Variants in RANBP2 observed in about 807,000 individuals in gnomAD.
RANBP2 encodes E3 SUMO-protein ligase RanBP2.
In RANBP2, 57 loss-of-function variants were observed where a neutral mutation model predicts 303.6. The ratio of observed to expected loss-of-function variants is 0.19; its 90% CI spans 0.15 to 0.23. The LOEUF (loss-of-function observed/expected upper bound fraction) is 0.23, where lower values mean the gene tolerates loss of function less well. RANBP2 is among the 10% of genes least tolerant of loss of function. RANBP2 has a pLI of 1.00. For synonymous variants in RANBP2, 1,167 were observed against 1,301.5 expected (o/e 0.90, Z 2.23); for missense variants, 3,138 against 3,780.8 (o/e 0.83, Z 4.46).
chr2:108,872,572 G>A, the RANBP2 span, among the ~76,000 whole-genome samples: 129 of 152,196 alleles, frequency 8.5e-4, no homozygotes, highest in Non-Finnish European at 1.5e-3. Flanking sequence ...CTTTAATGGC[G>A]TATATTCTAG....
chr2:109,545,437 C>A, the RANBP2 span: 22 of 1,535,992 alleles, frequency 1.4e-5, no homozygotes, highest in Non-Finnish European at 1.9e-5. Flanking sequence ...ATGGCTGCCC[C>A]CTTGCACTGT....
the RANBP2 span, among the ~76,000 whole-genome samples, chr2:109,072,415 G>T: frequency 5.3e-5 from 8 of 152,182 alleles, no homozygotes; most frequent in African/African-American, 1.9e-4. Flanking sequence ...TGGAGTCCTG[G>T]ATACTTAGGG....
At chr2:109,410,571 G>T in the RANBP2 span, among the ~76,000 whole-genome samples, 10 of 152,234 alleles carry the variant, frequency 6.6e-5, no homozygotes, top group East Asian at 1.7e-3. Flanking sequence ...ATGCTCACAG[G>T]CTGTGTTGTT....
At chr2:108,791,044 G>A in the RANBP2 span, among the ~76,000 whole-genome samples, 1 of 152,092 alleles carries the variant, frequency 6.6e-6, no homozygotes, top group African/African-American at 2.4e-5. Context: ...TCACAGGCGT[G>A]AGCCACCATG....
At chr2:109,122,179 CCCATTA>C in the RANBP2 span, among the ~76,000 whole-genome samples, 2 of 152,144 alleles carry the variant, frequency 1.3e-5, no homozygotes, top group Non-Finnish European at 2.9e-5. Context: ...GTAGTGAGTG[CCCATTA>C]TTTGCTCAAT....
the RANBP2 span, among the ~76,000 whole-genome samples, chr2:109,695,111 A>C: frequency 6.6e-6 from 1 of 151,188 alleles, no homozygotes; most frequent in Non-Finnish European, 1.5e-5. Context: ...CATTTCTTCT[A>C]TTTTCTTGTT....
chr2:109,239,731 A>T, the RANBP2 span, among the ~76,000 whole-genome samples: 1 of 152,134 alleles, frequency 6.6e-6, no homozygotes, highest in East Asian at 1.9e-4. Context: ...CTCCAGCTTA[A>T]ATGGAGCCAC....
In RANBP2 at chr2:108,754,036, G is replaced by C. The variant is rs975470974; in HGVS notation, c.2202+65G>C. The C allele has an allele frequency of 1.8e-5, 29 of 1,610,636 alleles. 1 individual carries two copies. Among genetic ancestry groups the C allele is most frequent in the Admixed American group, 1.7e-4 (10 of 59,946 alleles). On this transcript the variant is annotated intron_variant, in intron 15 of 28. Coordinates refer to ENST00000283195, the MANE Select transcript of RANBP2 (RefSeq NM_006267.5). ...CCCACTGGTCAATGTTTTTGCGTTG[G>C]TCTTATATTTTGGTAATTTCAAAAA...
chr2:108,977,534 T>C, the RANBP2 span, among the ~76,000 whole-genome samples: 2 of 152,156 alleles, frequency 1.3e-5, no homozygotes, highest in African/African-American at 4.8e-5. Context: ...CCTCCCAAAG[T>C]GCTGGGATTA....
chr2:109,383,650 A>C, the RANBP2 span, among the ~76,000 whole-genome samples: 1 of 152,140 alleles, frequency 6.6e-6, no homozygotes, highest in Non-Finnish European at 1.5e-5. Context: ...TCCACCTGTG[A>C]TGCAGAATGA....
the RANBP2 span, among the ~76,000 whole-genome samples, chr2:109,512,642 C>T: frequency 3.3e-5 from 5 of 152,276 alleles, no homozygotes; most frequent in African/African-American, 2.4e-5. Flanking sequence ...TGCTGGGCCT[C>T]GTGGGAGGCA....
the RANBP2 span, among the ~76,000 whole-genome samples, chr2:109,253,846 G>A: frequency 1.3e-5 from 2 of 152,082 alleles, no homozygotes; most frequent in Admixed American, 1.3e-4. Context: ...ATTGTTCAGG[G>A]AGCAGAAACC....
intron 19 of RANBP2, among the ~76,000 whole-genome samples, chr2:108,762,416 GT>G (rs1345938596): frequency 1.4e-5 from 1 of 70,730 alleles, no homozygotes; most frequent in African/African-American, 5.6e-5. Flanking sequence ...AATGGGAGTG[GT>G]GGTGGTGGAT....
chr2:109,698,011 C>G, the RANBP2 span, among the ~76,000 whole-genome samples: 2 of 151,996 alleles, frequency 1.3e-5, no homozygotes, highest in African/African-American at 4.8e-5. Context: ...AGGCATGTGC[C>G]ACCATGCCCA....
the RANBP2 span, among the ~76,000 whole-genome samples, chr2:109,523,127 T>C: frequency 1.3e-5 from 2 of 152,138 alleles, no homozygotes; most frequent in Non-Finnish European, 2.9e-5. Context: ...TCAGAGTAGA[T>C]GCGGCTGATG....
At chr2:108,746,190 G>C (rs1339265093) in intron 7 of RANBP2, among the ~76,000 whole-genome samples, 1 of 149,604 alleles carries the variant, frequency 6.7e-6, no homozygotes, top group Non-Finnish European at 1.5e-5. Flanking sequence ...TTACAGGTGT[G>C]AGCCACCATG....
In RANBP2 at chr2:108,763,890, G is replaced by A. The variant is rs746610775; in HGVS notation, c.3351G>A (p.Ser1117=). 13 of 1,613,722 alleles carry A rather than the reference G, an allele frequency of 8.1e-6. No homozygotes were observed. The highest frequency in any genetic ancestry group is 2.2e-5 in the East Asian group (1 of 44,892). Residue 1117 remains serine (S), a synonymous_variant, in exon 20 of 29, where the codon TCG becomes TCA. Coordinates refer to ENST00000283195, the MANE Select transcript of RANBP2 (RefSeq NM_006267.5). ...SGISFTENMG[S]SQQKNSGFRR... is the part of the protein sequence containing the mutation. ...TTTCATTTACAGAAAACATGGGGTC[G>A]AGTCAGCAAAAGAATTCTGGTTTTC... is the stretch of plus-strand genomic sequence containing the variant.
At position 108,785,556 on chromosome 2, in the gene RANBP2, T is replaced by C. The variant is rs1489209674; in HGVS notation, c.*1655T>C. The C allele has an allele frequency of 2.0e-5, 3 of 152,234 alleles. No individual in the cohort carries two copies. The highest frequency in any genetic ancestry group is 4.4e-5 in the Non-Finnish European group (3 of 68,036). 9.4% of individuals were successfully genotyped at this position (152,234 alleles called of 1,614,324 possible). A position where few individuals can be genotyped will look rare whatever the true frequency, so the allele number is the denominator to read the frequency against. ...ACAAATTAAAAAGCTTTAAAAACTT[T>C]GACCAAAAATTTGACAAAATGACAT... is the stretch of plus-strand genomic sequence containing the variant. On this transcript the variant is annotated 3_prime_UTR_variant, in exon 29 of 29. Transcript: ENST00000283195.
the RANBP2 span, among the ~76,000 whole-genome samples, chr2:109,705,635 C>T: frequency 6.6e-6 from 1 of 152,168 alleles, no homozygotes. Context: ...GGCCTGAGCC[C>T]CAGGGCGTTG....
Sources: gnomAD v4.1 joint callset for allele counts (sites outside exome capture counted in the v4.1 genomes callset) on GRCh38, gnomAD v4.1.1 for gene constraint, MANE v1.5 for transcripts, NCBI Gene and HGNC (gene_info 2026-07-23, HGNC 2026-07-21) for gene names.